The following CPEB2 variants were observed in gnomAD, a reference collection of about 807,000 sequenced individuals.
CPEB2 encodes the protein cytoplasmic polyadenylation element-binding protein 2.
In CPEB2, 56 loss-of-function variants were observed where a neutral mutation model predicts 93.6. The observed-to-expected ratio is 0.60, with a 90% CI of 0.48 to 0.75. The LOEUF (loss-of-function observed/expected upper bound fraction) is 0.75, where lower values mean the gene tolerates loss of function less well. CPEB2 is among the 30% of genes least tolerant of loss of function. CPEB2 has a pLI of 0.00. For synonymous variants in CPEB2, 764 were observed against 586.3 expected, an observed-to-expected ratio of 1.30 and a Z score of -4.38; for missense variants, 1,579 against 1,395.1, an observed-to-expected ratio of 1.13 and a Z score of -2.10.
chr4:15,002,809 G>C lies in CPEB2; in HGVS notation c.136G>C (p.Gly46Arg), dbSNP rs970564413. 1 of 1,535,128 alleles carries C rather than the reference G, an allele frequency of 6.5e-7. No homozygotes were observed. Among genetic ancestry groups the C allele is most frequent in the African/African-American group, 1.4e-5 (1 of 72,850 alleles). Residue 46 changes from glycine (G) to arginine (R), a missense_variant, in exon 1 of 12, where the codon GGC becomes CGC. Physicochemically the swap from Gly to Arg is moderately radical, Grantham distance 125. This residue lies in a region of CPEB2 where 1,411 missense variants were observed against 1,056.0 expected (regional missense o/e 1.34). Coordinates refer to ENST00000538197, the MANE Select transcript of CPEB2 (RefSeq NM_001177382.2). ...CCCGCTGCCCTCCGCCACGCCCTTC[G>C]GCCCACTGTCGCCACCACCGTTGCC... ...VNPLPSATPF[G>R]PLSPPPLPVT... is the part of the protein sequence containing the mutation.
intron 5 of CPEB2, among the ~76,000 whole-genome samples, chr4:15,040,250 A>G (rs13150974): frequency 0.37 from 55,759 of 152,070 alleles, 12,028 homozygotes; most frequent in Non-Finnish European, 0.49. Context: ...TCAGAGTTTT[A>G]TATGATTCAG....
intron 4 of CPEB2, among the ~76,000 whole-genome samples, chr4:15,019,086 C>A (rs751629226): frequency 2.7e-5 from 4 of 150,912 alleles, no homozygotes; most frequent in Non-Finnish European, 5.9e-5. Context: ...AACATGCTCA[C>A]TAACCACCTT....
intron 5 of CPEB2, among the ~76,000 whole-genome samples, chr4:15,035,218 T>G (rs1275694968): frequency 6.6e-6 from 1 of 151,904 alleles, no homozygotes; most frequent in East Asian, 1.9e-4. Flanking sequence ...TTTCTTTTTT[T>G]TTGTAGTGGT....
Position 15,003,320 on chromosome 4 carries a change from G to A in CPEB2, c.647G>A (p.Gly216Asp), listed in dbSNP as rs1577345721. The stretch of plus-strand genomic sequence containing the variant: ...TTCAGCCCGCCGCCGCCGCCAGCCG[G>A]CCCGCTCCTCCAGCCGGCGCAGCTC... ...GRFSPPPPPA[G>D]PLLQPAQLAQ... The change falls in exon 1 of 12, where the codon GGC becomes GAC. Residue 216 changes from glycine to aspartate, a missense_variant. This residue lies in a region of CPEB2 where 1,411 missense variants were observed against 1,056.0 expected (regional missense o/e 1.34). Coordinates refer to ENST00000538197, the MANE Select transcript of CPEB2 (RefSeq NM_001177382.2). 2 of 1,416,834 alleles carry A rather than the reference G, an allele frequency of 1.4e-6. No homozygotes were observed. Among genetic ancestry groups the A allele is most frequent in the Non-Finnish European group, 1.8e-6 (2 of 1,100,476 alleles). 87.8% of individuals were successfully genotyped at this position (1,416,834 alleles called of 1,614,324 possible).
In CPEB2 at chr4:15,007,433, G is replaced by T; in HGVS notation, c.1791G>T (p.Met597Ile). Reference sequence around the variant, plus strand: ...GAAACATGGGAATCCCAGGAACTATGAATCAGATATCTCCATTGAAGAAAC... The same window carrying T: ...GAAACATGGGAATCCCAGGAACTATTAATCAGATATCTCCATTGAAGAAAC... ...RTGNMGIPGT[M>I]NQISPLKKPF... is the part of the protein sequence containing the mutation. The change falls in exon 2 of 12, where the codon ATG becomes ATT. Residue 597 changes from methionine to isoleucine, a missense_variant. Met to Ile is a conservative substitution (Grantham distance 10). Around this residue, in one of 2 missense-constraint regions of CPEB2, gnomAD observed 1,411 missense variants for 1,056.0 expected, o/e 1.34. Transcript: ENST00000538197. 1 of 1,614,090 alleles carries T rather than the reference G, an allele frequency of 6.2e-7. No homozygotes were observed. Among genetic ancestry groups the T allele is most frequent in the East Asian group, 2.2e-5 (1 of 44,874 alleles).
intron 4 of CPEB2, among the ~76,000 whole-genome samples, chr4:15,029,511 C>T (rs76355734): frequency 1.3e-5 from 2 of 152,090 alleles, no homozygotes; most frequent in East Asian, 3.9e-4. Flanking sequence ...AGTGTATACT[C>T]TTTATTGATA....
rs1272389018 is a variant in CPEB2, at chr4:15,008,331, A to G, written c.1945-7A>G. On this transcript the variant is annotated splice_polypyrimidine_tract_variant and splice_region_variant and intron_variant, in intron 2 of 11. Transcript: ENST00000538197. The stretch of plus-strand genomic sequence containing the variant: ...CATTTCTGATGAAAACTTCTATGCT[A>G]TTGAAGGTGAGATCTAGTTTGCAGT... 10 of 1,607,966 alleles carry G rather than the reference A, an allele frequency of 6.2e-6. No individual in the cohort carries two copies. The highest frequency in any genetic ancestry group is 4.0e-5 in the African/African-American group (3 of 74,750).
In CPEB2 at chr4:15,059,295, A is replaced by G; in HGVS notation, c.2689A>G (p.Arg897Gly). Residue 897 changes from arginine (R) to glycine (G), a missense_variant, in exon 10 of 12, where the codon AGG (arginine) becomes GGG (glycine). Arg to Gly is a moderately radical substitution (Grantham distance 125). Transcript: ENST00000538197. ...TGTTGGAGGTGTTCCTAGGCCATTA[A>G]GGGCTGGTAAGTAGAATGTTAACAA... The part of the protein sequence containing the change: ...IFVGGVPRPL[R>G]AVELAMIMDR... 1.9e-6 allele frequency: 3 copies of G among 1,590,432 alleles called. No individual in the cohort carries two copies. Among genetic ancestry groups the G allele is most frequent in the South Asian group, 1.1e-5 (1 of 90,338 alleles).
At chr4:15,031,751 CAT>C (rs1363496655) in intron 4 of CPEB2, among the ~76,000 whole-genome samples, 5 of 152,114 alleles carry the variant, frequency 3.3e-5, no homozygotes, top group Admixed American at 1.3e-4. Flanking sequence ...GGGTACCTAT[CAT>C]ATATATTTAT....
chr4:15,047,861 T>C (rs1022623461), intron 6 of CPEB2, among the ~76,000 whole-genome samples: 1 of 151,468 alleles, frequency 6.6e-6, no homozygotes, highest in African/African-American at 2.4e-5. Context: ...TTTTAAATGC[T>C]CTTTATTGGA....
rs966425538 is a variant in CPEB2 at position 15,069,695 on chromosome 4, A to G, written c.*3315A>G. 6.6e-6 allele frequency: 1 copy of G among 152,136 alleles called. No homozygotes were observed. The allele number at this position is 152,136 out of a possible 1,614,324, so 9.4% of individuals were successfully genotyped here. ...ATATAATTTTATGACACTAATTGCT[A>G]AAGTTTATTTTATGTTGAATTATTT... On this transcript the variant is annotated 3_prime_UTR_variant, in exon 12 of 12. Transcript: ENST00000538197.
Position 15,062,110 on chromosome 4 carries a change from T to C in CPEB2, c.2727T>C (p.Tyr909=). The C allele has an allele frequency of 6.2e-7, 1 of 1,611,874 alleles. No individual in the cohort carries two copies. The highest frequency in any genetic ancestry group is 8.5e-7 in the Non-Finnish European group (1 of 1,178,524). ...VELAMIMDRL[Y]GGVCYAGIDT... ...TTGCTATGATCATGGACCGGCTGTA[T>C]GGTGGAGTTTGTTATGCAGGAATTG... The change falls in exon 11 of 12, where the codon TAT becomes TAC. Residue 909 remains tyrosine, a synonymous_variant. Coordinates refer to ENST00000538197, the MANE Select transcript of CPEB2 (RefSeq NM_001177382.2).
At chr4:15,059,445 A>G (rs1012001363) in intron 10 of CPEB2, 144 bp downstream of exon 10, 1 of 468,454 alleles carries the variant, frequency 2.1e-6, no homozygotes, top group Non-Finnish European at 3.8e-6. Context: ...GCTGCTAACT[A>G]CAGAATTTTG....
At chr4:15,047,881 T>A (rs1242900987) in intron 6 of CPEB2, among the ~76,000 whole-genome samples, 5 of 151,236 alleles carry the variant, frequency 3.3e-5, no homozygotes, top group Non-Finnish European at 4.4e-5. Flanking sequence ...ATTGAAGAAA[T>A]TCCCTCCTAC....
At chr4:15,025,466 C>T (rs971183739) in intron 4 of CPEB2, among the ~76,000 whole-genome samples, 1 of 151,974 alleles carries the variant, frequency 6.6e-6, no homozygotes, top group African/African-American at 2.4e-5. Context: ...GGATTGGAAG[C>T]TCAATGTATA....
At chr4:15,013,860 T>G (rs1723793539) in intron 3 of CPEB2, among the ~76,000 whole-genome samples, 1 of 151,990 alleles carries the variant, frequency 6.6e-6, no homozygotes, top group Non-Finnish European at 1.5e-5. Context: ...AGTAGGAGTT[T>G]AGGATCAAAT....
chr4:15,021,738 T>A (rs1284657162), intron 4 of CPEB2, among the ~76,000 whole-genome samples: 1 of 152,172 alleles, frequency 6.6e-6, no homozygotes, highest in Non-Finnish European at 1.5e-5. Context: ...AGAATATGAT[T>A]TTACACCAAG....
intron 6 of CPEB2, among the ~76,000 whole-genome samples, chr4:15,047,597 G>A (rs1727832461): frequency 6.6e-6 from 1 of 151,964 alleles, no homozygotes; most frequent in Non-Finnish European, 1.5e-5. Context: ...AATTGAATTT[G>A]CATTTCTTCC....
chr4:15,040,709 C>T (rs1398712785), intron 6 of CPEB2, among the ~76,000 whole-genome samples: 1 of 152,134 alleles, frequency 6.6e-6, no homozygotes, highest in African/African-American at 2.4e-5. Flanking sequence ...TTTTAAACTG[C>T]TGAGATTTAA....
Sources: gnomAD v4.1 joint callset for allele counts (sites outside exome capture counted in the v4.1 genomes callset) on GRCh38, gnomAD v4.1.1 for gene constraint, gnomAD v4.1.1 regional missense constraint, MANE v1.5 for transcripts, NCBI Gene and HGNC (gene_info 2026-07-23, HGNC 2026-07-21) for gene names.